DNAH11: variants seen among roughly 807,000 people sequenced by gnomAD.
DNAH11 encodes the protein dynein axonemal heavy chain 11.
A neutral mutation model predicts 526.0 loss-of-function variants in DNAH11; 442 were observed. That is an observed-to-expected ratio of 0.84 (90% confidence interval 0.78 to 0.91). The LOEUF (loss-of-function observed/expected upper bound fraction) is 0.91. DNAH11 is among the 40% of genes least tolerant of loss of function. The pLI is 0.00. For synonymous variants in DNAH11, 2,461 were observed against 1,935.9 expected (o/e 1.27, Z -7.12); for missense variants, 6,989 against 5,448.7 (o/e 1.28, Z -8.90).
intron 69 of DNAH11, among the ~76,000 whole-genome samples, chr7:21,864,173 A>G (rs1004685743): frequency 1.3e-5 from 2 of 152,246 alleles, no homozygotes; most frequent in African/African-American, 4.8e-5. Context: ...CCTTCTGTTT[A>G]GTAATTTAAT....
At chr7:21,860,055 C>T (rs931308279) in intron 68 of DNAH11, among the ~76,000 whole-genome samples, 1 of 152,124 alleles carries the variant, frequency 6.6e-6, no homozygotes, top group Non-Finnish European at 1.5e-5. Flanking sequence ...TGCCTGTGGT[C>T]TCAGCTACCC....
intron 65 of DNAH11, among the ~76,000 whole-genome samples, chr7:21,839,749 A>G (rs1443476603): frequency 6.6e-6 from 1 of 152,180 alleles, no homozygotes; most frequent in Non-Finnish European, 1.5e-5. Context: ...CATTCAACTA[A>G]TAGGGTTTTC....
intron 9 of DNAH11, among the ~76,000 whole-genome samples, chr7:21,583,141 C>G (rs893720149): frequency 6.6e-6 from 1 of 152,048 alleles, no homozygotes; most frequent in Non-Finnish European, 1.5e-5. Flanking sequence ...TAATCCTAAG[C>G]AAAAAGAACA....
At position 21,590,912 on chromosome 7, in the gene DNAH11, T is replaced by C. The variant is rs1784650635; in HGVS notation, c.2170-6T>C. 1.4e-6 allele frequency: 2 copies of C among 1,393,210 alleles called. No individual in the cohort carries two copies. The highest frequency in any genetic ancestry group is 2.8e-5 in the East Asian group (1 of 35,294). The allele number at this position is 1,393,210 out of a possible 1,614,324, so 86.3% of individuals were successfully genotyped here. ...TGCAATAATTTTAATAATTGTATTT[T>C]AATAGCTAGTGGCTGTATTGAGAGA... On this transcript the variant is annotated splice_region_variant and splice_polypyrimidine_tract_variant and intron_variant, in intron 12 of 81. Transcript: ENST00000409508.
At position 21,842,811 on chromosome 7, in the gene DNAH11, T is replaced by C. The variant is rs747440993; in HGVS notation, c.10896+63T>C. 21 of 1,377,706 alleles carry C rather than the reference T, an allele frequency of 1.5e-5. No homozygotes were observed. The Admixed American group carries it at 2.0e-4, about 13-fold the overall frequency. The allele number at this position is 1,377,706 out of a possible 1,614,324, so 85.3% of individuals were successfully genotyped here. The stretch of plus-strand genomic sequence containing the variant: ...ATTTGCTTTGCACAAATCACAGTGC[T>C]AGACATAGAAGTATAAAATAGGATT... On this transcript the variant is annotated intron_variant, in intron 66 of 81. Coordinates refer to ENST00000409508, the MANE Select transcript of DNAH11 (RefSeq NM_001277115.2).
chr7:21,698,258 A>G (rs762608295), intron 36 of DNAH11, 45 bp downstream of exon 36: 4 of 1,604,838 alleles, frequency 2.5e-6, no homozygotes, highest in African/African-American at 2.7e-5. Context: ...CATACCATTG[A>G]AAAAGCTTTT....
chr7:21,827,419 A>T (rs976970893), intron 65 of DNAH11, among the ~76,000 whole-genome samples: 16 of 151,696 alleles, frequency 1.1e-4, no homozygotes, highest in African/African-American at 2.9e-4. Flanking sequence ...ATATTTTTGA[A>T]TTTTTTAAAA....
In DNAH11 at chr7:21,901,654, TAACA is replaced by T. The variant is rs904123979; in HGVS notation, c.*406_*409del. ...CGGAAAGAACGGAGATTTTAATTTT[TAACA>T]AACAACAAATTAAATTATTAGCCCT... On this transcript the variant is annotated 3_prime_UTR_variant, in exon 82 of 82. Coordinates refer to ENST00000409508, the MANE Select transcript of DNAH11 (RefSeq NM_001277115.2). 2.5e-5 allele frequency: 4 copies of T among 157,996 alleles called. No individual in the cohort carries two copies. The highest frequency in any genetic ancestry group is 5.6e-5 in the Non-Finnish European group (4 of 71,836). The allele number at this position is 157,996 out of a possible 1,614,324, so 9.8% of individuals were successfully genotyped here. A position where few individuals can be genotyped will look rare whatever the true frequency, so the allele number is the denominator to read the frequency against.
intron 32 of DNAH11, among the ~76,000 whole-genome samples, chr7:21,686,399 A>T (rs1317147614): frequency 6.6e-6 from 1 of 152,192 alleles, no homozygotes; most frequent in African/African-American, 2.4e-5. Flanking sequence ...GGAAACTCCA[A>T]ATAAAGAATA....
chr7:21,562,473 A>G (rs58243822), intron 5 of DNAH11, among the ~76,000 whole-genome samples: 43,530 of 152,018 alleles, frequency 0.29, 6,704 homozygotes, highest in East Asian at 0.55. Flanking sequence ...TGTTAGCATA[A>G]GATGAAAATT....
intron 8 of DNAH11, among the ~76,000 whole-genome samples, chr7:21,573,480 A>G (rs1207555944): frequency 6.6e-6 from 1 of 152,170 alleles, no homozygotes; most frequent in Non-Finnish European, 1.5e-5. Flanking sequence ...CTTAATCAGC[A>G]TACTTATGTT....
chr7:21,702,708 A>G lies in DNAH11; in HGVS notation c.6181-2A>G. ...GAGAAAATAAACCTGTTTTGATTTT[A>G]GGATCATTACGACTGGGGACTTCGT... On this transcript the variant is annotated splice_acceptor_variant, in intron 36 of 81. Transcript: ENST00000409508. LOFTEE classifies it high-confidence loss of function. The G allele has an allele frequency of 6.2e-7, 1 of 1,612,936 alleles. No individual in the cohort carries two copies. The highest frequency in any genetic ancestry group is 8.5e-7 in the Non-Finnish European group (1 of 1,179,148).
At chr7:21,852,003 GT>G (rs1782658394) in intron 66 of DNAH11, among the ~76,000 whole-genome samples, 1 of 152,066 alleles carries the variant, frequency 6.6e-6, no homozygotes, top group Non-Finnish European at 1.5e-5. Flanking sequence ...ACCTTCTGAA[GT>G]TTTTTAAAGA....
At chr7:21,833,343 A>G (rs1395841714) in intron 65 of DNAH11, among the ~76,000 whole-genome samples, 2 of 152,180 alleles carry the variant, frequency 1.3e-5, no homozygotes, top group Non-Finnish European at 2.9e-5. Flanking sequence ...GAATTTCTCT[A>G]AGACTCTCCA....
At chr7:21,874,390 C>G (rs113646205) in intron 74 of DNAH11, among the ~76,000 whole-genome samples, 13,824 of 151,738 alleles carry the variant, frequency 0.091, 1,963 homozygotes, top group African/African-American at 0.3. Context: ...GGCTGGAGTG[C>G]AATGACATGA....
chr7:21,854,065 G>A (rs542129204), intron 67 of DNAH11, among the ~76,000 whole-genome samples: 4 of 152,142 alleles, frequency 2.6e-5, no homozygotes, highest in Admixed American at 1.3e-4. Flanking sequence ...AAACAACTAG[G>A]TTTGTTTAAT....
At chr7:21,584,298 A>C (rs926150350) in intron 9 of DNAH11, among the ~76,000 whole-genome samples, 1 of 152,160 alleles carries the variant, frequency 6.6e-6, no homozygotes, top group African/African-American at 2.4e-5. Flanking sequence ...TGAAGCTGGA[A>C]ACCAACATTC....
chr7:21,725,247 C>T (rs1785052777), intron 44 of DNAH11, among the ~76,000 whole-genome samples: 1 of 152,158 alleles, frequency 6.6e-6, no homozygotes, highest in Admixed American at 6.5e-5. Context: ...TCCATTCCTC[C>T]ATCTCTCATG....
At chr7:21,551,119 G>C (rs74695889) in intron 2 of DNAH11, among the ~76,000 whole-genome samples, 10,321 of 152,074 alleles carry the variant, frequency 0.068, 849 homozygotes, top group East Asian at 0.34. Flanking sequence ...TTTTCTCATG[G>C]AGTTTACTTA....
Sources: allele counts gnomAD v4.1 joint callset (sites outside exome capture counted in the v4.1 genomes callset), GRCh38; gene constraint gnomAD v4.1.1; transcripts MANE v1.5; gene names NCBI Gene and HGNC (gene_info 2026-07-23, HGNC 2026-07-21).